The following GADL1 variants were observed in gnomAD, a reference collection of about 807,000 sequenced individuals.
GADL1 encodes the protein acidic amino acid decarboxylase GADL1.
A neutral mutation model predicts 69.5 loss-of-function variants in GADL1; 71 were observed. That is an observed-to-expected ratio of 1.02 (90% CI 0.84 to 1.25). The LOEUF (loss-of-function observed/expected upper bound fraction) is 1.25, where lower values mean the gene tolerates loss of function less well. Among genes scored for constraint, GADL1 ranks in the 50% most tolerant of loss-of-function variants. The pLI is 0.00. For missense variants in GADL1, 737 were observed against 631.8 expected, an observed-to-expected ratio of 1.17 and a Z score of -1.79; for synonymous variants, 254 against 214.4, an observed-to-expected ratio of 1.18 and a Z score of -1.62.
intron 13 of GADL1, among the ~76,000 whole-genome samples, chr3:30,782,720 T>A (rs549264966): frequency 4.1e-4 from 63 of 151,878 alleles, no homozygotes; most frequent in African/African-American, 1.5e-3. Context: ...TTTAAGGGAG[T>A]GCCCTGATGA....
At chr3:30,762,638 T>C (rs1430693059) in intron 14 of GADL1, among the ~76,000 whole-genome samples, 2 of 152,100 alleles carry the variant, frequency 1.3e-5, no homozygotes, top group Non-Finnish European at 1.5e-5. Flanking sequence ...ACCACACTTT[T>C]TAAGTTATTT....
At chr3:30,870,140 G>T (rs895672647) in intron 1 of GADL1, among the ~76,000 whole-genome samples, 2 of 151,764 alleles carry the variant, frequency 1.3e-5, no homozygotes, top group African/African-American at 4.8e-5. Flanking sequence ...AGTTGGGGTG[G>T]ATAATATATG....
At chr3:30,855,494 T>C (rs184768297) in intron 3 of GADL1, among the ~76,000 whole-genome samples, 199 of 152,208 alleles carry the variant, frequency 1.3e-3, no homozygotes, top group Non-Finnish European at 2.2e-3. Flanking sequence ...CGACTGGCAG[T>C]ATATAGATGG....
At chr3:30,878,505 A>G (rs1366939725) in intron 1 of GADL1, among the ~76,000 whole-genome samples, 1 of 151,980 alleles carries the variant, frequency 6.6e-6, no homozygotes, top group Non-Finnish European at 1.5e-5. Flanking sequence ...GAATGAATGC[A>G]TGAATACTTT....
intron 1 of GADL1, among the ~76,000 whole-genome samples, chr3:30,892,959 C>T (rs932651040): frequency 9.2e-5 from 14 of 152,188 alleles, no homozygotes; most frequent in Non-Finnish European, 2.1e-4. Context: ...CAGGTTCAAG[C>T]GATTCTCCTG....
intron 14 of GADL1, among the ~76,000 whole-genome samples, chr3:30,762,789 C>A (rs1179849316): frequency 2.0e-5 from 3 of 152,148 alleles, no homozygotes; most frequent in African/African-American, 2.4e-5. Context: ...TCTTTCTAGT[C>A]TCAATTGTTT....
intron 4 of GADL1, among the ~76,000 whole-genome samples, chr3:30,852,134 C>T (rs1202411117): frequency 1.3e-5 from 2 of 152,248 alleles, no homozygotes; most frequent in East Asian, 1.9e-4. Context: ...TGGATTGAGG[C>T]ATAAAAGCTG....
intron 13 of GADL1, among the ~76,000 whole-genome samples, chr3:30,785,491 C>T (rs932943496): frequency 1.3e-5 from 2 of 151,402 alleles, no homozygotes; most frequent in Admixed American, 1.3e-4. Flanking sequence ...AAGCAATTCT[C>T]CTGCCTCAGC....
Position 30,822,714 on chromosome 3 carries a change from A to G in GADL1, c.1050+11139T>C, listed in dbSNP as rs74498158. ...TTTTAAAATATGGAAAGAAAATACC[A>G]GTTAACTGATATGTCACCTCTGCTA... On this transcript the variant is annotated intron_variant, in intron 11 of 14. Coordinates refer to ENST00000282538, the MANE Select transcript of GADL1 (RefSeq NM_207359.3). Among the ~76,000 whole-genome samples the G allele has an allele frequency of 5.8e-3, 883 of 152,186 alleles. 39 individuals carry two copies. In the East Asian group the frequency reaches 0.096, roughly 17 times the overall value.
chr3:30,848,911 T>G (rs931771943), intron 6 of GADL1, among the ~76,000 whole-genome samples: 7 of 152,180 alleles, frequency 4.6e-5, no homozygotes, highest in African/African-American at 1.7e-4. Flanking sequence ...TTCAAATCCT[T>G]TGCCTGGTGA....
intron 11 of GADL1, among the ~76,000 whole-genome samples, chr3:30,816,450 C>T (rs558545952): frequency 1.5e-4 from 23 of 151,626 alleles, no homozygotes; most frequent in African/African-American, 5.1e-4. Context: ...ACATCGTTCC[C>T]TAGCCCCAGA....
At chr3:30,773,825 GAT>G (rs1186848933) in intron 14 of GADL1, among the ~76,000 whole-genome samples, 1 of 152,100 alleles carries the variant, frequency 6.6e-6, no homozygotes, top group Admixed American at 6.6e-5. Flanking sequence ...TAAGATATTT[GAT>G]ATGTTTTATA....
intron 11 of GADL1, among the ~76,000 whole-genome samples, chr3:30,830,645 C>T (rs917383260): frequency 2.0e-5 from 3 of 151,844 alleles, no homozygotes; most frequent in Non-Finnish European, 2.9e-5. Flanking sequence ...TCCAAAGATC[C>T]TCCCAAGGCA....
intron 2 of GADL1, 93 bp from the exon 3 acceptor site, chr3:30,857,234 T>C (rs1051101020): frequency 5.6e-6 from 6 of 1,072,550 alleles, no homozygotes; most frequent in South Asian, 1.5e-5. Context: ...ACAAAGCTTC[T>C]GGGCAGCGGG....
At chr3:30,740,396 A>G (rs1695599931) in intron 14 of GADL1, among the ~76,000 whole-genome samples, 3 of 152,136 alleles carry the variant, frequency 2.0e-5, no homozygotes, top group Non-Finnish European at 2.9e-5. Flanking sequence ...ATTCTTTCCC[A>G]AGTTGGGGAA....
chr3:30,879,090 A>G (rs546693251), intron 1 of GADL1, among the ~76,000 whole-genome samples: 1 of 151,892 alleles, frequency 6.6e-6, no homozygotes, highest in African/African-American at 2.4e-5. Context: ...GTGTGTACTG[A>G]CTGGTACCTT....
At chr3:30,754,088 TC>T (rs1695905388) in intron 14 of GADL1, among the ~76,000 whole-genome samples, 1 of 152,194 alleles carries the variant, frequency 6.6e-6, no homozygotes, top group Non-Finnish European at 1.5e-5. Context: ...ACACAGGCTT[TC>T]CTGAAAAAGC....
intron 14 of GADL1, among the ~76,000 whole-genome samples, chr3:30,775,685 C>A (rs1455117321): frequency 6.6e-6 from 1 of 151,942 alleles, no homozygotes; most frequent in Non-Finnish European, 1.5e-5. Context: ...GATGGAGAGT[C>A]CAAGATGGCT....
At chr3:30,836,508 T>C (rs1177603348) in intron 9 of GADL1, among the ~76,000 whole-genome samples, 4 of 152,104 alleles carry the variant, frequency 2.6e-5, no homozygotes, top group Admixed American at 2.0e-4. Flanking sequence ...ATGATGGAGT[T>C]TGGCTTTCCA....
Sources: gnomAD v4.1 joint callset for allele counts (sites outside exome capture counted in the v4.1 genomes callset) on GRCh38, gnomAD v4.1.1 for gene constraint, MANE v1.5 for transcripts, NCBI Gene and HGNC (gene_info 2026-07-23, HGNC 2026-07-21) for gene names.